Variants in MAST3 observed in about 807,000 individuals in gnomAD.
MAST3 encodes the protein microtubule-associated serine/threonine-protein kinase 3.
A neutral mutation model predicts 127.0 loss-of-function variants in MAST3; 43 were observed. That is an observed-to-expected ratio of 0.34 (90% CI 0.27 to 0.44). MAST3 has a LOEUF of 0.44. MAST3 is among the 20% of genes least tolerant of loss of function. The probability of loss-of-function intolerance (pLI) is 1.00; values close to 1 mark genes in which losing one functional copy is unlikely to be tolerated. For synonymous variants in MAST3, 785 were observed against 809.2 expected, an observed-to-expected ratio of 0.97 and a Z score of 0.51; for missense variants, 1,390 against 1,919.1, an observed-to-expected ratio of 0.72 and a Z score of 5.15.
intron 19 of MAST3, 87 bp downstream of exon 19, chr19:18,137,448 C>T: frequency 6.9e-7 from 1 of 1,441,340 alleles, no homozygotes; most frequent in Admixed American, 2.0e-5. Flanking sequence ...GCCAGGCATT[C>T]CACCCGAGCT....
At chr19:18,132,112 C>A in intron 15 of MAST3, 65 bp downstream of exon 15, 1 of 1,591,502 alleles carries the variant, frequency 6.3e-7, no homozygotes, top group Non-Finnish European at 8.6e-7. Flanking sequence ...AGGGGCGGGG[C>A]CAAAGAGGAT....
intron 1 of MAST3, among the ~76,000 whole-genome samples, chr19:18,103,410 G>A (rs966262446): frequency 7.9e-5 from 12 of 152,066 alleles, no homozygotes; most frequent in African/African-American, 2.2e-4. Flanking sequence ...GGTGGTGGGC[G>A]CCTGTAATCC....
At position 18,147,748 on chromosome 19, in the gene MAST3, C is replaced by T. The variant is rs956461811; in HGVS notation, c.3508+124C>T. 34 of 735,170 alleles carry T rather than the reference C, an allele frequency of 4.6e-5. No individual in the cohort carries two copies. In the African/African-American group the frequency reaches 4.6e-4, roughly 10 times the overall value. The allele number at this position is 735,170 out of a possible 1,614,324, so 45.5% of individuals were successfully genotyped here. A position where few individuals can be genotyped will look rare whatever the true frequency, so the allele number is the denominator to read the frequency against. ...ATGTAGGGAAAAAGATGACCGGGAT[C>T]CTGGTGTCTAGCAGGGAACCTGGGA... On this transcript the variant is annotated intron_variant, in intron 27 of 27. Transcript: ENST00000687212.
At chr19:18,119,931 C>T (rs761345711) in intron 3 of MAST3, among the ~76,000 whole-genome samples, 21 of 152,224 alleles carry the variant, frequency 1.4e-4, no homozygotes, top group Non-Finnish European at 2.9e-4. Flanking sequence ...TCTCCCGCCG[C>T]TGAGCTGCGT....
chr19:18,148,804 G>A (rs773335323), intron 27 of MAST3, among the ~76,000 whole-genome samples: 9 of 152,008 alleles, frequency 5.9e-5, no homozygotes, highest in Admixed American at 2.0e-4. Context: ...TTAGGGGGCC[G>A]AGGCACGAGA....
intron 26 of MAST3, 45 bp from the exon 27 acceptor site, chr19:18,147,398 T>C (rs1252552303): frequency 6.3e-7 from 1 of 1,579,720 alleles, no homozygotes; most frequent in African/African-American, 1.3e-5. Context: ...CCACCATGCC[T>C]GGCCAGGAGC....
rs910065785 is a variant in MAST3, at chr19:18,134,700, A to G, written c.1693A>G (p.Ile565Val). The change falls in exon 16 of 28, where the codon ATC becomes GTC. Residue 565 changes from isoleucine to valine, a missense_variant. Transcript: ENST00000687212. Reference sequence around the variant, plus strand: ...CATCGAGAAGGACGCCCGAGAGTTCATCGACAAGCAGGTGGGCGGGCAGGT... The same window carrying G: ...CATCGAGAAGGACGCCCGAGAGTTCGTCGACAAGCAGGTGGGCGGGCAGGT... ...GHIEKDAREF[I>V]DKQVCGTPEY... is the part of the protein sequence containing the mutation. 1.2e-6 allele frequency: 2 copies of G among 1,613,814 alleles called. No homozygotes were observed. Among genetic ancestry groups the G allele is most frequent in the South Asian group, 1.1e-5 (1 of 91,030 alleles).
At chr19:18,119,691 G>A (rs886180084) in intron 3 of MAST3, among the ~76,000 whole-genome samples, 4 of 152,204 alleles carry the variant, frequency 2.6e-5, no homozygotes, top group African/African-American at 9.6e-5. Flanking sequence ...AGCACTGGAT[G>A]TGGTAGGTTT....
rs1274078621 is a variant in MAST3, at chr19:18,147,507, T to C, written c.3391T>C (p.Ser1131Pro). The part of the protein sequence containing the change: ...TSVLHTSRSF[S>P]SGLHHSLSSS... ...CGTGCTGCACACCAGCCGCAGCTTC[T>C]CCTCCGGACTCCACCACTCACTGTC... Residue 1131 changes from serine (S) to proline (P), a missense_variant, in exon 27 of 28, where the codon TCC becomes CCC. By Grantham distance (74) the Ser-to-Pro change is moderately conservative. Transcript: ENST00000687212. 6.2e-7 allele frequency: 1 copy of C among 1,612,418 alleles called. No individual in the cohort carries two copies. Among genetic ancestry groups the C allele is most frequent in the Non-Finnish European group, 8.5e-7 (1 of 1,179,282 alleles).
At chr19:18,132,548 G>A (rs2041435327) in intron 15 of MAST3, among the ~76,000 whole-genome samples, 1 of 152,160 alleles carries the variant, frequency 6.6e-6, no homozygotes, top group African/African-American at 2.4e-5. Context: ...GGAAGAGAAC[G>A]TGTTTACTGA....
intron 2 of MAST3, among the ~76,000 whole-genome samples, chr19:18,109,417 T>C (rs1351690982): frequency 6.6e-6 from 1 of 151,072 alleles, no homozygotes; most frequent in Non-Finnish European, 1.5e-5. Flanking sequence ...GTGGGCAGAG[T>C]GTTGGACCGT....
intron 1 of MAST3, among the ~76,000 whole-genome samples, chr19:18,102,920 C>A (rs1395818253): frequency 6.6e-6 from 1 of 152,172 alleles, no homozygotes; most frequent in Non-Finnish European, 1.5e-5. Context: ...TATGTCTTCT[C>A]CAAAATGGGA....
intron 27 of MAST3, 31 bp downstream of exon 27, chr19:18,147,655 G>C: frequency 6.9e-7 from 1 of 1,457,638 alleles, no homozygotes; most frequent in Non-Finnish European, 9.2e-7. Flanking sequence ...CACCACCCCG[G>C]CTACCCTGGG....
In MAST3 at chr19:18,133,030, C is replaced by T. The variant is rs913475216; in HGVS notation, c.1571+983C>T. ...AGGCAGGAGAATCTCTTGAACCCGGCGGAGGTTGCAATGAGCCAAGATCGT... is the reference window on the plus strand; with the variant it reads ...AGGCAGGAGAATCTCTTGAACCCGGTGGAGGTTGCAATGAGCCAAGATCGT... On this transcript the variant is annotated intron_variant, in intron 15 of 27. Transcript: ENST00000687212. 4.7e-5 allele frequency among the ~76,000 whole-genome samples: 7 copies of T among 149,166 alleles called. No homozygotes were observed. In the East Asian group the frequency reaches 1.3e-3, roughly 27 times the overall value.
At chr19:18,133,502 C>CCCGAGTA (rs1241469938) in intron 15 of MAST3, among the ~76,000 whole-genome samples, 1 of 151,736 alleles carries the variant, frequency 6.6e-6, no homozygotes, top group Non-Finnish European at 1.5e-5. Context: ...GCCTCAGCTT[C>CCCGAGTA]CCGAGTAGCT....
In MAST3 at chr19:18,124,538, C is replaced by T. The variant is rs981368219; in HGVS notation, c.946-104C>T. On this transcript the variant is annotated intron_variant, in intron 10 of 27. Transcript: ENST00000687212. ...CTAAGGAGGCAGCGGGAGTGGAGAC[C>T]CAGTGGGTGAGCTGGGAAGGGTGCT... 1.5e-5 allele frequency: 22 copies of T among 1,453,938 alleles called. No individual in the cohort carries two copies. In the Admixed American group the frequency reaches 4.6e-4, roughly 30 times the overall value. The allele number at this position is 1,453,938 out of a possible 1,614,324, so 90.1% of individuals were successfully genotyped here.
intron 20 of MAST3, among the ~76,000 whole-genome samples, chr19:18,139,969 G>C (rs1393784662): frequency 6.7e-6 from 1 of 149,714 alleles, no homozygotes; most frequent in East Asian, 2.0e-4. Context: ...ACAGGTGCCC[G>C]CCACCACGCC....
At chr19:18,106,255 T>C (rs1483308252) in intron 1 of MAST3, among the ~76,000 whole-genome samples, 1 of 151,428 alleles carries the variant, frequency 6.6e-6, no homozygotes, top group African/African-American at 2.4e-5. Context: ...ACCTGGCTAA[T>C]TTTTTTTTCT....
chr19:18,112,120 G>A lies in MAST3; in HGVS notation c.161+1379G>A, dbSNP rs964536230. On this transcript the variant is annotated intron_variant, in intron 3 of 27. Transcript: ENST00000687212. The surrounding 1 kb of genome is among the most constrained non-coding windows in gnomAD (Gnocchi z 4.1). The stretch of plus-strand genomic sequence containing the variant: ...AAGAAAGATTGGCACCAGGCAGTGG[G>A]TACTGCATGTGCAAAGGTCCTGTGG... 6.6e-6 allele frequency among the ~76,000 whole-genome samples: 1 copy of A among 152,254 alleles called. No homozygotes were observed. Among genetic ancestry groups the A allele is most frequent in the Non-Finnish European group, 1.5e-5 (1 of 68,056 alleles).
Sources: gnomAD v4.1 joint callset for allele counts (sites outside exome capture counted in the v4.1 genomes callset) on GRCh38, gnomAD v4.1.1 for gene constraint, Gnocchi (gnomAD v3.1) non-coding constraint, MANE v1.5 for transcripts, NCBI Gene and HGNC (gene_info 2026-07-23, HGNC 2026-07-21) for gene names.